Variants in ROBO2 observed in about 807,000 individuals in gnomAD.
ROBO2 encodes roundabout homolog 2.
In ROBO2, 53 loss-of-function variants were observed where a neutral mutation model predicts 160.8. That is an observed-to-expected ratio of 0.33 (90% CI 0.26 to 0.41). The LOEUF is 0.41. ROBO2 is among the 10% of genes least tolerant of loss of function. The probability of loss-of-function intolerance (pLI) is 1.00; values close to 1 mark genes in which losing one functional copy is unlikely to be tolerated. For synonymous variants in ROBO2, 664 were observed against 611.7 expected, an observed-to-expected ratio of 1.09 and a Z score of -1.26; for missense variants, 1,577 against 1,722.4, an observed-to-expected ratio of 0.92 and a Z score of 1.49.
upstream of ROBO2, among the ~76,000 whole-genome samples, chr3:77,035,963 T>C (rs1027185998): frequency 5.9e-5 from 9 of 151,968 alleles, no homozygotes. Context: ...TTCTTAAATT[T>C]TGAAGAAAAA....
At chr3:76,695,977 G>T (rs1037728394) in intron 2 of ROBO2, among the ~76,000 whole-genome samples, 1 of 152,120 alleles carries the variant, frequency 6.6e-6, no homozygotes, top group East Asian at 1.9e-4. Flanking sequence ...CTGCTTGGAT[G>T]GTCCACAGCC....
chr3:77,135,595 G>T (rs2076216788), intron 2 of ROBO2, among the ~76,000 whole-genome samples: 1 of 151,408 alleles, frequency 6.6e-6, no homozygotes, highest in Admixed American at 6.6e-5. Context: ...TTTTAGTAGA[G>T]AAGGGGTTTC....
chr3:76,800,093 CA>C lies in ROBO2; in HGVS notation c.110-297918del, dbSNP rs1202672695. ...ACATCTAAAGTGAACTCATTTTTGA[CA>C]AAGGTGTCAAGAACATACATTGGAG... On this transcript the variant is annotated intron_variant, in intron 2 of 26. Coordinates refer to the ROBO2 transcript ENST00000487694. Among the ~76,000 whole-genome samples the C allele has an allele frequency of 1.1e-4, 16 of 152,214 alleles. No homozygotes were observed. In the East Asian group the frequency reaches 2.9e-3, roughly 28 times the overall value.
At chr3:76,022,012 A>T (rs1447490132) in intron 2 of ROBO2, among the ~76,000 whole-genome samples, 2 of 151,622 alleles carry the variant, frequency 1.3e-5, no homozygotes, top group Non-Finnish European at 1.5e-5. Flanking sequence ...TCTATCAACT[A>T]AGTTTCTGTA....
intron 2 of ROBO2, among the ~76,000 whole-genome samples, chr3:77,299,807 A>G (rs778272048): frequency 2.5e-4 from 38 of 152,150 alleles, no homozygotes; most frequent in Non-Finnish European, 4.4e-4. Context: ...ACAGATTACA[A>G]CAGAGAGGGA....
At chr3:76,023,367 C>A (rs1354808707) in intron 2 of ROBO2, among the ~76,000 whole-genome samples, 1 of 151,670 alleles carries the variant, frequency 6.6e-6, no homozygotes, top group Non-Finnish European at 1.5e-5. Context: ...TAAGTTTAAT[C>A]ATTTCCAGCT....
chr3:76,845,984 T>C (rs527919038), intron 2 of ROBO2, among the ~76,000 whole-genome samples: 1 of 152,216 alleles, frequency 6.6e-6, no homozygotes, highest in South Asian at 2.1e-4. Context: ...ACATTACTTA[T>C]GTCACCTGAA....
At chr3:76,310,707 A>G (rs999944277) in intron 2 of ROBO2, among the ~76,000 whole-genome samples, 3 of 152,182 alleles carry the variant, frequency 2.0e-5, no homozygotes, top group African/African-American at 4.8e-5. Flanking sequence ...CCCTCTGTGC[A>G]TACTATATTT....
chr3:77,101,504 G>A (rs975462350), intron 2 of ROBO2, among the ~76,000 whole-genome samples: 3 of 152,244 alleles, frequency 2.0e-5, no homozygotes, highest in East Asian at 3.9e-4. Flanking sequence ...GAGGGGAGAG[G>A]TCTTTCTGAG....
At chr3:76,635,687 A>G (rs796691757) in intron 2 of ROBO2, among the ~76,000 whole-genome samples, 6 of 152,330 alleles carry the variant, frequency 3.9e-5, no homozygotes, top group African/African-American at 1.4e-4. Flanking sequence ...CTTCTATATG[A>G]TAGAGATTTT....
At chr3:77,304,461 A>G (rs1159208590) in intron 2 of ROBO2, among the ~76,000 whole-genome samples, 1 of 152,192 alleles carries the variant, frequency 6.6e-6, no homozygotes, top group African/African-American at 2.4e-5. Context: ...GAGAGCCGTT[A>G]GACGCAGCAA....
intron 2 of ROBO2, among the ~76,000 whole-genome samples, chr3:77,374,535 T>C (rs1388909231): frequency 6.6e-6 from 1 of 152,232 alleles, no homozygotes; most frequent in African/African-American, 2.4e-5. Flanking sequence ...AATATTGCCA[T>C]TTAAACTTCT....
intron 2 of ROBO2, among the ~76,000 whole-genome samples, chr3:76,970,127 C>A (rs1192618810): frequency 2.0e-5 from 3 of 152,076 alleles, no homozygotes; most frequent in African/African-American, 7.2e-5. Context: ...TTCTCACAGA[C>A]CCCTCATTAC....
At chr3:77,066,053 C>A (rs1420963544) in intron 1 of ROBO2, among the ~76,000 whole-genome samples, 1 of 151,930 alleles carries the variant, frequency 6.6e-6, no homozygotes, top group Non-Finnish European at 1.5e-5. Flanking sequence ...ATAAAAATGG[C>A]TCAGACCATG....
At chr3:77,254,408 G>A (rs2090707341) in intron 2 of ROBO2, among the ~76,000 whole-genome samples, 1 of 151,682 alleles carries the variant, frequency 6.6e-6, no homozygotes, top group Non-Finnish European at 1.5e-5. Flanking sequence ...AGAGGAAGCA[G>A]CTTTACAATA....
chr3:77,635,530 T>TA (rs1399864503), intron 24 of ROBO2, among the ~76,000 whole-genome samples: 2 of 152,292 alleles, frequency 1.3e-5, no homozygotes, highest in African/African-American at 4.8e-5. Flanking sequence ...TGGGCTGCTA[T>TA]AAAAAAATAG....
chr3:76,700,792 T>G (rs941723725), intron 2 of ROBO2, among the ~76,000 whole-genome samples: 1 of 152,152 alleles, frequency 6.6e-6, no homozygotes, highest in Non-Finnish European at 1.5e-5. Context: ...AATAATTTTC[T>G]TTGTTCTTAG....
intron 2 of ROBO2, among the ~76,000 whole-genome samples, chr3:76,817,741 C>T (rs1024038677): frequency 4.6e-5 from 7 of 151,630 alleles, no homozygotes; most frequent in African/African-American, 7.3e-5. Flanking sequence ...TGAGAACATA[C>T]GACATTTGGT....
chr3:77,504,731 TATTTCA>T (rs2088211678), intron 5 of ROBO2, among the ~76,000 whole-genome samples: 1 of 152,254 alleles, frequency 6.6e-6, no homozygotes, highest in Admixed American at 6.5e-5. Flanking sequence ...TCTGTGTTGA[TATTTCA>T]AGGAATAAAA....
Sources: gnomAD v4.1 joint callset for allele counts (sites outside exome capture counted in the v4.1 genomes callset) on GRCh38, gnomAD v4.1.1 for gene constraint, MANE v1.5 for transcripts, NCBI Gene and HGNC (gene_info 2026-07-23, HGNC 2026-07-21) for gene names.